The following ARMC8 variants were observed in gnomAD, a reference collection of about 807,000 sequenced individuals.
The protein encoded by ARMC8 is armadillo repeat containing 8, also known as armadillo repeat-containing protein 8.
ARMC8 carries 20 observed loss-of-function variants against 99.3 expected under a neutral mutation model. The ratio of observed to expected loss-of-function variants is 0.20; its 90% confidence interval spans 0.14 to 0.29. The LOEUF is 0.29. ARMC8 is among the 10% of genes least tolerant of loss of function. The probability of loss-of-function intolerance (pLI) is 1.00; values close to 1 mark genes in which losing one functional copy is unlikely to be tolerated. For missense variants in ARMC8, 569 were observed against 809.5 expected, an observed-to-expected ratio of 0.70 and a Z score of 3.60; for synonymous variants, 263 against 278.3, an observed-to-expected ratio of 0.95 and a Z score of 0.55.
chr3:138,278,942 C>G (rs1248040932), intron 18 of ARMC8, among the ~76,000 whole-genome samples: 15 of 152,150 alleles, frequency 9.9e-5, no homozygotes, highest in Non-Finnish European at 1.5e-4. Flanking sequence ...GCGTGAATTA[C>G]TTAAAATTTT....
At chr3:138,197,773 G>T (rs2043822542) in intron 1 of ARMC8, among the ~76,000 whole-genome samples, 2 of 152,140 alleles carry the variant, frequency 1.3e-5, no homozygotes, top group African/African-American at 4.8e-5. Flanking sequence ...CTATCCAGAG[G>T]TATCTTTTAT....
chr3:138,265,397 T>C (rs570957700), intron 14 of ARMC8, among the ~76,000 whole-genome samples: 91 of 152,338 alleles, frequency 6.0e-4, no homozygotes, highest in South Asian at 1.0e-3. Context: ...AGTGATCATA[T>C]ACCTTGCATT....
At chr3:138,234,226 C>T (rs1365172787) in intron 6 of ARMC8, among the ~76,000 whole-genome samples, 1 of 152,096 alleles carries the variant, frequency 6.6e-6, no homozygotes, top group Non-Finnish European at 1.5e-5. Context: ...ATTCTCCTGC[C>T]TCAGCCTCCG....
chr3:138,288,683 G>C (rs2050658275), intron 19 of ARMC8, among the ~76,000 whole-genome samples: 2 of 145,398 alleles, frequency 1.4e-5, no homozygotes, highest in South Asian at 4.4e-4. Flanking sequence ...CTGTCACCCA[G>C]GCTGAGTGCA....
chr3:138,222,965 A>G (rs748713868), intron 3 of ARMC8, among the ~76,000 whole-genome samples: 1 of 152,150 alleles, frequency 6.6e-6, no homozygotes, highest in Admixed American at 6.5e-5. Context: ...AATATTCCCT[A>G]TAGGCTCGAT....
chr3:138,253,586 T>C (rs1427148725), intron 12 of ARMC8, among the ~76,000 whole-genome samples: 2 of 152,216 alleles, frequency 1.3e-5, no homozygotes, highest in Non-Finnish European at 2.9e-5. Context: ...TGAGAGAACT[T>C]GGTATATAGC....
intron 21 of ARMC8, among the ~76,000 whole-genome samples, chr3:138,295,210 T>A (rs1293173346): frequency 6.6e-6 from 1 of 152,172 alleles, no homozygotes; most frequent in Non-Finnish European, 1.5e-5. Flanking sequence ...ACATTCTATC[T>A]TTTCCTTTCC....
chr3:138,285,151 C>T (rs2050284777), intron 19 of ARMC8, among the ~76,000 whole-genome samples: 1 of 152,232 alleles, frequency 6.6e-6, no homozygotes, highest in East Asian at 1.9e-4. Flanking sequence ...ATGGGCACAG[C>T]TCCTCCTAGT....
intron 12 of ARMC8, among the ~76,000 whole-genome samples, chr3:138,250,968 C>T (rs114915713): frequency 2.6e-5 from 4 of 151,912 alleles, no homozygotes; most frequent in Non-Finnish European, 2.9e-5. Context: ...GGCAACATAG[C>T]GAAACTCCGT....
At position 138,263,759 on chromosome 3, in the gene ARMC8, G is replaced by T; in HGVS notation, c.1155G>T (p.Met385Ile). 1 of 1,613,978 alleles carries T rather than the reference G, an allele frequency of 6.2e-7. No homozygotes were observed. ...IRKKIIETEN[M>I]MDRIVTGLSE... ...TCCAGATCATTGAGACTGAAAATAT[G>T]ATGGACCGAATTGTGACTGGCTTGT... Residue 385 changes from methionine (M) to isoleucine (I), a missense_variant, in exon 13 of 22, where the codon ATG becomes ATT. Around this residue, in one of 2 missense-constraint regions of ARMC8, gnomAD observed 227 missense variants for 417.9 expected, o/e 0.54. Coordinates refer to ENST00000469044, the MANE Select transcript of ARMC8 (RefSeq NM_001363941.2).
intron 2 of ARMC8, among the ~76,000 whole-genome samples, chr3:138,210,102 A>AT (rs1395873331): frequency 3.3e-5 from 5 of 152,162 alleles, no homozygotes; most frequent in Non-Finnish European, 7.4e-5. Context: ...GGTTAGCTTC[A>AT]TTTTTTGTAG....
intron 5 of ARMC8, among the ~76,000 whole-genome samples, chr3:138,224,929 TAA>T (rs1245822666): frequency 2.0e-5 from 3 of 152,140 alleles, no homozygotes; most frequent in African/African-American, 7.2e-5. Context: ...ATGTAGAACT[TAA>T]GTTTATTTTA....
intron 1 of ARMC8, among the ~76,000 whole-genome samples, chr3:138,207,614 C>T (rs1247800592): frequency 6.6e-6 from 1 of 152,146 alleles, no homozygotes; most frequent in Non-Finnish European, 1.5e-5. Context: ...AAAACATGTA[C>T]TCAAATGGAG....
chr3:138,223,048 C>T (rs1246227138), intron 3 of ARMC8, among the ~76,000 whole-genome samples: 4 of 152,170 alleles, frequency 2.6e-5, no homozygotes, highest in Admixed American at 2.0e-4. Flanking sequence ...TCTGGCAGCA[C>T]ATGGCATTTG....
chr3:138,274,233 A>ATGTGTGTGTGTGTGTGTG (rs142329302), intron 17 of ARMC8, among the ~76,000 whole-genome samples: 14 of 142,268 alleles, frequency 9.8e-5, no homozygotes, highest in African/African-American at 3.4e-4. Context: ...GTGTATATAC[A>ATGTGTGTGTGTGTGTGTG]TGTGTGTGTG....
rs1375992434 is a variant in ARMC8 at position 138,240,704 on chromosome 3, T to C, written c.838-1079T>C. Among the ~76,000 whole-genome samples the C allele has an allele frequency of 2.6e-5, 4 of 152,224 alleles. No homozygotes were observed. The East Asian group carries it at 7.7e-4, about 29-fold the overall frequency. ...CTAAGCTCTGTGGTAAAAGATATAA[T>C]AGGAACTTATTATATATAAAAGAGC... On this transcript the variant is annotated intron_variant, in intron 10 of 21. Transcript: ENST00000469044.
At chr3:138,285,911 A>G (rs1205132982) in intron 19 of ARMC8, among the ~76,000 whole-genome samples, 1 of 152,168 alleles carries the variant, frequency 6.6e-6, no homozygotes, top group East Asian at 1.9e-4. Context: ...ACCCATCGAG[A>G]CATACCCATT....
Position 138,296,421 on chromosome 3 carries a change from T to G in ARMC8, c.*529T>G, listed in dbSNP as rs2051489590. ...ATACAGTTTGAATGAAATGTTATTTTAAAAACAAAACAATTGTTAAGTGTT... is the reference window on the plus strand; with the variant it reads ...ATACAGTTTGAATGAAATGTTATTTGAAAAACAAAACAATTGTTAAGTGTT... On this transcript the variant is annotated 3_prime_UTR_variant, in exon 22 of 22. Transcript: ENST00000469044. The G allele has an allele frequency of 6.6e-6, 1 of 152,158 alleles. No homozygotes were observed. The highest frequency in any genetic ancestry group is 1.5e-5 in the Non-Finnish European group (1 of 68,034). The allele number at this position is 152,158 out of a possible 1,614,324, so 9.4% of individuals were successfully genotyped here.
intron 18 of ARMC8, among the ~76,000 whole-genome samples, chr3:138,275,472 T>C (rs1417477334): frequency 2.0e-5 from 3 of 151,870 alleles, no homozygotes; most frequent in Non-Finnish European, 4.4e-5. Flanking sequence ...GGCAGGAGAA[T>C]GGCGTGAACC....
Sources: gnomAD v4.1 joint callset for allele counts (sites outside exome capture counted in the v4.1 genomes callset) on GRCh38, gnomAD v4.1.1 for gene constraint, gnomAD v4.1.1 regional missense constraint, MANE v1.5 for transcripts, NCBI Gene and HGNC (gene_info 2026-07-23, HGNC 2026-07-21) for gene names.